NR5A2: variants seen among roughly 807,000 people sequenced by gnomAD.
NR5A2 encodes the protein CYP7A promoter-binding factor.
In NR5A2, 26 loss-of-function variants were observed where a neutral mutation model predicts 62.7. That is an observed-to-expected ratio of 0.41 (90% CI 0.30 to 0.58). The LOEUF is 0.58. NR5A2 is among the 20% of genes least tolerant of loss of function. NR5A2 has a pLI of 0.22. For synonymous variants in NR5A2, 246 were observed against 241.7 expected (o/e 1.02, Z -0.16); for missense variants, 541 against 669.1 (o/e 0.81, Z 2.11).
intron 7 of NR5A2, among the ~76,000 whole-genome samples, chr1:200,163,966 G>A (rs1653775805): frequency 6.6e-6 from 1 of 151,946 alleles, no homozygotes; most frequent in South Asian, 2.1e-4. Flanking sequence ...GGATGTCTTT[G>A]GATCATGGGG....
In NR5A2 at chr1:200,147,984, A is replaced by C; in HGVS notation, c.1379-25979A>C. ...GGCGATGCATCGGGCGGCCGCCTTG[A>C]CCTCCTCCCGCGAGCCGAAAACGCC... On this transcript the variant is annotated intron_variant, in intron 7 of 7. Coordinates refer to ENST00000367362, the MANE Select transcript of NR5A2 (RefSeq NM_205860.3). This position sits in a 1 kb window ranked among gnomAD's most constrained non-coding sequence, Gnocchi z 4.9. The C allele has an allele frequency of 3.3e-6, 1 of 306,676 alleles. No homozygotes were observed. The allele number at this position is 306,676 out of a possible 1,614,324, so 19.0% of individuals were successfully genotyped here.
intron 7 of NR5A2, among the ~76,000 whole-genome samples, chr1:200,155,159 G>A (rs1324813464): frequency 1.3e-5 from 2 of 152,192 alleles, no homozygotes; most frequent in Non-Finnish European, 2.9e-5. Context: ...CAATGCAGAA[G>A]TGGGATTAAG....
intron 7 of NR5A2, among the ~76,000 whole-genome samples, chr1:200,171,671 C>T (rs1287569279): frequency 6.6e-6 from 1 of 152,186 alleles, no homozygotes; most frequent in Non-Finnish European, 1.5e-5. Context: ...ATTGCTTGAA[C>T]TCAGGAGGTG....
At chr1:200,066,012 T>C (rs1016563115) in intron 5 of NR5A2, among the ~76,000 whole-genome samples, 1 of 152,186 alleles carries the variant, frequency 6.6e-6, no homozygotes, top group Non-Finnish European at 1.5e-5. Flanking sequence ...GCTTGGATTT[T>C]ATTGTTTGGA....
intron 7 of NR5A2, among the ~76,000 whole-genome samples, chr1:200,144,981 T>C (rs892799914): frequency 1.3e-5 from 2 of 152,138 alleles, no homozygotes; most frequent in East Asian, 1.9e-4. Flanking sequence ...TCGTTGCTCA[T>C]CAGAATCATC....
At chr1:200,117,324 C>T (rs1046180325) in intron 6 of NR5A2, among the ~76,000 whole-genome samples, 1 of 151,144 alleles carries the variant, frequency 6.6e-6, no homozygotes, top group African/African-American at 2.4e-5. Context: ...ATCACCTATC[C>T]TTCTTTAGAG....
chr1:200,053,593 A>G (rs1345220345), intron 5 of NR5A2, among the ~76,000 whole-genome samples: 1 of 151,518 alleles, frequency 6.6e-6, no homozygotes, highest in Non-Finnish European at 1.5e-5. Context: ...ACACACACAC[A>G]CACACACACA....
Position 200,120,857 on chromosome 1 carries a change from T to G in NR5A2, c.1280T>G (p.Leu427Arg). 1 of 1,603,562 alleles carries G rather than the reference T, an allele frequency of 6.2e-7. No homozygotes were observed. Residue 427 changes from leucine to arginine, a missense_variant, in exon 7 of 8, where the codon CTC becomes CGC. Leu to Arg is a moderately radical substitution (Grantham distance 102, BLOSUM62 -2). Transcript: ENST00000367362. ...ASQAGATLNN[L>R]MSHAQELVAK... ...CAAGCCGGAGCCACCCTCAACAACC[T>G]CATGAGTCATGCACAGGAGTTAGTG...
At chr1:200,046,185 A>G (rs1662350944) in intron 4 of NR5A2, among the ~76,000 whole-genome samples, 1 of 152,214 alleles carries the variant, frequency 6.6e-6, no homozygotes, top group Non-Finnish European at 1.5e-5. Flanking sequence ...AACATGAAAA[A>G]TAACGAACTA....
chr1:200,101,425 T>C (rs1363199490), intron 5 of NR5A2, among the ~76,000 whole-genome samples: 2 of 152,236 alleles, frequency 1.3e-5, no homozygotes, highest in African/African-American at 2.4e-5. Context: ...AGGTAGGCTA[T>C]GAAGTTTGTC....
At chr1:200,069,387 A>G (rs35078177) in intron 5 of NR5A2, among the ~76,000 whole-genome samples, 14,846 of 151,976 alleles carry the variant, frequency 0.098, 929 homozygotes, top group Middle Eastern at 0.15. Context: ...CAGCCTCCTG[A>G]GTAACACGGA....
chr1:200,102,058 T>C (rs1317511849), intron 5 of NR5A2, among the ~76,000 whole-genome samples: 2 of 152,200 alleles, frequency 1.3e-5, no homozygotes, highest in Non-Finnish European at 2.9e-5. Context: ...GTTATATAAA[T>C]GAAAAACCTG....
At chr1:200,062,511 A>G (rs1393428881) in intron 5 of NR5A2, among the ~76,000 whole-genome samples, 1 of 152,102 alleles carries the variant, frequency 6.6e-6, no homozygotes, top group Admixed American at 6.5e-5. Context: ...CAAATATTAC[A>G]TTTCCCCTTA....
Position 200,134,479 on chromosome 1 carries a change from G to T in NR5A2, c.1378+13524G>T, listed in dbSNP as rs192088818. On this transcript the variant is annotated intron_variant, in intron 7 of 7. Coordinates refer to ENST00000367362, the MANE Select transcript of NR5A2 (RefSeq NM_205860.3). ...CCTTCGATATTCAGTACAGTGACAC[G>T]CTGTATAGGTTTGTAGCCTAGGAGC... Among the ~76,000 whole-genome samples, 4 of 152,252 alleles carry T rather than the reference G, an allele frequency of 2.6e-5. No homozygotes were observed. The East Asian group carries it at 7.7e-4, about 29-fold the overall frequency.
intron 5 of NR5A2, among the ~76,000 whole-genome samples, chr1:200,050,415 C>A (rs1034644234): frequency 5.3e-4 from 81 of 152,060 alleles, no homozygotes; most frequent in African/African-American, 1.8e-3. Flanking sequence ...ATTCTCTGAG[C>A]CTTGGTTTTT....
intron 5 of NR5A2, among the ~76,000 whole-genome samples, chr1:200,085,697 G>A (rs1664492355): frequency 6.6e-6 from 1 of 151,320 alleles, no homozygotes; most frequent in Non-Finnish European, 1.5e-5. Flanking sequence ...GAAAGAAATG[G>A]TCTCTACCCT....
At chr1:200,086,146 T>C (rs1190742023) in intron 5 of NR5A2, among the ~76,000 whole-genome samples, 2 of 152,136 alleles carry the variant, frequency 1.3e-5, no homozygotes, top group Non-Finnish European at 2.9e-5. Flanking sequence ...GTGGAGAAAA[T>C]GTGACCAACT....
chr1:200,036,460 G>A (rs1661783736), intron 1 of NR5A2, among the ~76,000 whole-genome samples: 2 of 152,182 alleles, frequency 1.3e-5, no homozygotes, highest in African/African-American at 4.8e-5. Context: ...GAGAAGAAAG[G>A]GTGCACTTGG....
chr1:200,115,519 A>T (rs1666174743), intron 6 of NR5A2, among the ~76,000 whole-genome samples: 2 of 152,174 alleles, frequency 1.3e-5, no homozygotes, highest in African/African-American at 4.8e-5. Flanking sequence ...CTTGTAGGAG[A>T]TAAATACATT....
Sources: allele counts gnomAD v4.1 joint callset (sites outside exome capture counted in the v4.1 genomes callset), GRCh38; gene constraint gnomAD v4.1.1; non-coding constraint Gnocchi (gnomAD v3.1); transcripts MANE v1.5; gene names NCBI Gene and HGNC (gene_info 2026-07-23, HGNC 2026-07-21).